Variants in DOCK8 observed in about 807,000 individuals in gnomAD.
DOCK8 encodes dedicator of cytokinesis 8.
A neutral mutation model predicts 245.6 loss-of-function variants in DOCK8; 141 were observed. That is an observed-to-expected ratio of 0.57 (90% CI 0.50 to 0.66). The LOEUF is 0.66. Among genes scored for constraint, DOCK8 ranks in the 30% least tolerant of loss-of-function variants. DOCK8 has a pLI of 0.00. For missense variants in DOCK8, 2,965 were observed against 2,603.4 expected, an observed-to-expected ratio of 1.14 and a Z score of -3.02; for synonymous variants, 1,168 against 970.2, an observed-to-expected ratio of 1.20 and a Z score of -3.79.
At chr9:421,677 A>G (rs1458005156) in intron 32 of DOCK8, among the ~76,000 whole-genome samples, 4 of 152,230 alleles carry the variant, frequency 2.6e-5, no homozygotes, top group African/African-American at 9.6e-5. Context: ...TCGAAGGGAC[A>G]CAGTGGCAGG....
rs17664919 is a variant in DOCK8 at position 304,478 on chromosome 9, C to G, written c.405-103C>G. The G allele has an allele frequency of 0.15, 219,401 of 1,481,528 alleles. 17,543 individuals carry two copies. Among genetic ancestry groups the G allele is most frequent in the Admixed American group, 0.19 (10,825 of 58,420 alleles). 91.8% of individuals were successfully genotyped at this position (1,481,528 alleles called of 1,614,324 possible). The stretch of plus-strand genomic sequence containing the variant: ...TTGGTTCCCTCTTTGAAAGCTCTCT[C>G]AGCACCATGTCTACACTTAAGCCAT... On this transcript the variant is annotated intron_variant, in intron 4 of 47. Coordinates refer to ENST00000432829, the MANE Select transcript of DOCK8 (RefSeq NM_203447.4).
At chr9:335,499 G>A (rs1434943224) in intron 11 of DOCK8, among the ~76,000 whole-genome samples, 1 of 152,138 alleles carries the variant, frequency 6.6e-6, no homozygotes, top group Non-Finnish European at 1.5e-5. Context: ...GGAGTTACTG[G>A]TACATAATCA....
chr9:214,745 C>G (rs968460952), upstream of DOCK8: 23 of 1,522,296 alleles, frequency 1.5e-5, no homozygotes, highest in Non-Finnish European at 1.8e-6. Flanking sequence ...CCTCCTCGCC[C>G]GCCGCTGCCT....
chr9:357,475 C>G (rs1380632310), intron 14 of DOCK8, among the ~76,000 whole-genome samples: 1 of 152,158 alleles, frequency 6.6e-6, no homozygotes, highest in Non-Finnish European at 1.5e-5. Flanking sequence ...CTTTCTCTTT[C>G]TCTCTTTCTG....
chr9:394,518 T>C (rs1048272916), intron 24 of DOCK8, among the ~76,000 whole-genome samples: 1 of 152,234 alleles, frequency 6.6e-6, no homozygotes, highest in African/African-American at 2.4e-5. Flanking sequence ...CCTCTAGTTG[T>C]GTCAGTGCCC....
intron 38 of DOCK8, among the ~76,000 whole-genome samples, chr9:434,321 T>C (rs2056819959): frequency 6.6e-6 from 1 of 152,246 alleles, no homozygotes; most frequent in African/African-American, 2.4e-5. Context: ...GACATACATA[T>C]ATAGTTTTAC....
intron 44 of DOCK8, among the ~76,000 whole-genome samples, chr9:447,093 A>C (rs2057288972): frequency 6.6e-6 from 1 of 152,144 alleles, no homozygotes; most frequent in Non-Finnish European, 1.5e-5. Context: ...ACTAGCTTCT[A>C]GTCCTAGCTT....
upstream of DOCK8, chr9:214,465 C>G: frequency 6.4e-7 from 1 of 1,566,432 alleles, no homozygotes; most frequent in African/African-American, 1.4e-5. Context: ...TTTTTTTTGG[C>G]TGCCTTCTTC....
intron 23 of DOCK8, among the ~76,000 whole-genome samples, chr9:389,535 G>C (rs906858039): frequency 6.6e-6 from 1 of 152,168 alleles, no homozygotes; most frequent in African/African-American, 2.4e-5. Flanking sequence ...AAATTGTCCA[G>C]TCTCCTAGAG....
rs369008835 is a variant in DOCK8 at position 368,464 on chromosome 9, G to T, written c.1797+329G>T. ...AGTAAAGAGATGGCTCAACACGTGC[G>T]CCATGTTTGCTGAGTGTCTTCCATG... On this transcript the variant is annotated intron_variant, in intron 15 of 47. Transcript: ENST00000432829. 5.6e-4 allele frequency: 339 copies of T among 602,520 alleles called. 3 individuals are homozygous for T. In the African/African-American group the frequency reaches 6.0e-3, roughly 11 times the overall value. The allele number at this position is 602,520 out of a possible 1,614,324, so 37.3% of individuals were successfully genotyped here.
chr9:365,913 C>G, intron 14 of DOCK8: 1 of 295,726 alleles, frequency 3.4e-6, no homozygotes, highest in South Asian at 3.1e-5. Flanking sequence ...TATCCACGTC[C>G]ACTCCTGACA....
chr9:397,056 A>ATATTTT, intron 25 of DOCK8, 122 bp downstream of exon 25: 3 of 1,177,462 alleles, frequency 2.5e-6, no homozygotes, highest in Non-Finnish European at 3.7e-6. Flanking sequence ...AATGACAGTT[A>ATATTTT]AACGCAGTAT....
chr9:266,645 A>G (rs1040518556), intron 1 of DOCK8, among the ~76,000 whole-genome samples: 22 of 152,146 alleles, frequency 1.4e-4, no homozygotes, highest in Admixed American at 4.6e-4. Flanking sequence ...TCCCAATTGT[A>G]TATCATAATT....
At chr9:355,851 G>A (rs1190862557) in intron 14 of DOCK8, among the ~76,000 whole-genome samples, 1 of 152,160 alleles carries the variant, frequency 6.6e-6, no homozygotes, top group Admixed American at 6.5e-5. Flanking sequence ...ATTATCAAAT[G>A]TACAGAGTAC....
intron 14 of DOCK8, chr9:365,587 TC>T (rs751075033): frequency 1.1e-5 from 5 of 454,766 alleles, no homozygotes; most frequent in East Asian, 6.9e-5. Flanking sequence ...TTTTTTTTTT[TC>T]AGAGAAGTCT....
intron 1 of DOCK8, among the ~76,000 whole-genome samples, chr9:256,962 T>G (rs1032676189): frequency 6.6e-6 from 1 of 152,210 alleles, no homozygotes; most frequent in Non-Finnish European, 1.5e-5. Context: ...CTCGTCATTC[T>G]ACAACTTTCC....
intron 24 of DOCK8, among the ~76,000 whole-genome samples, chr9:392,312 C>T (rs189899813): frequency 6.6e-6 from 1 of 152,048 alleles, no homozygotes; most frequent in African/African-American, 2.4e-5. Context: ...AAATAGGAAG[C>T]AATGTGGAAT....
chr9:395,965 C>T (rs1290975997), intron 24 of DOCK8, among the ~76,000 whole-genome samples: 1 of 151,542 alleles, frequency 6.6e-6, no homozygotes, highest in Non-Finnish European at 1.5e-5. Context: ...TATATGTAAC[C>T]ACAGTATACA....
chr9:416,958 A>G (rs910067528), intron 29 of DOCK8, among the ~76,000 whole-genome samples: 2 of 152,146 alleles, frequency 1.3e-5, no homozygotes, highest in Non-Finnish European at 2.9e-5. Context: ...TGTTTATTTA[A>G]CCATTTGTTT....
Sources: gnomAD v4.1 joint callset for allele counts (sites outside exome capture counted in the v4.1 genomes callset) on GRCh38, gnomAD v4.1.1 for gene constraint, MANE v1.5 for transcripts, NCBI Gene and HGNC (gene_info 2026-07-23, HGNC 2026-07-21) for gene names.